Variants in AKR1C8 observed in about 807,000 individuals in gnomAD.
The protein encoded by AKR1C8 is aldo-keto reductase family 1 member C-like protein 1.
At chr10:5,174,172 C>T in the AKR1C8 span, among the ~76,000 whole-genome samples, 2 of 151,162 alleles carry the variant, frequency 1.3e-5, no homozygotes, top group East Asian at 2.0e-4. Context: ...AAAAAAACTC[C>T]ATCCTGAGAC....
the AKR1C8 span, among the ~76,000 whole-genome samples, chr10:5,142,985 T>C: frequency 6.6e-6 from 1 of 152,120 alleles, no homozygotes; most frequent in Non-Finnish European, 1.5e-5. Flanking sequence ...ACTGTGTTCA[T>C]AAATGGGTTA....
the AKR1C8 span, among the ~76,000 whole-genome samples, chr10:5,180,585 G>T: frequency 6.6e-6 from 1 of 152,220 alleles, no homozygotes; most frequent in Non-Finnish European, 1.5e-5. Context: ...CAGAGGTGGA[G>T]CCTAGAGAGG....
chr10:5,177,391 T>C, the AKR1C8 span, among the ~76,000 whole-genome samples: 16 of 152,290 alleles, frequency 1.1e-4, no homozygotes, highest in African/African-American at 3.8e-4. Context: ...CAGTATTTTA[T>C]TGAGGATTTT....
At chr10:5,178,474 G>A in the AKR1C8 span, among the ~76,000 whole-genome samples, 2 of 152,204 alleles carry the variant, frequency 1.3e-5, no homozygotes, top group Admixed American at 6.5e-5. Flanking sequence ...TGGGTGGAGA[G>A]TTCTGTAGAT....
chr10:5,122,199 TC>T, the AKR1C8 span: 1 of 331,020 alleles, frequency 3.0e-6, no homozygotes, highest in Non-Finnish European at 6.2e-6. Flanking sequence ...CATTCACCTT[TC>T]CCAGGACAGC....
chr10:5,116,310 G>T, the AKR1C8 span, among the ~76,000 whole-genome samples: 2 of 152,160 alleles, frequency 1.3e-5, no homozygotes, highest in African/African-American at 4.8e-5. Context: ...AATTGTCATT[G>T]TGTCTCCCGG....
chr10:5,156,940 A>G, the AKR1C8 span, among the ~76,000 whole-genome samples: 1 of 152,234 alleles, frequency 6.6e-6, no homozygotes, highest in Non-Finnish European at 1.5e-5. Context: ...AAAACAAAAT[A>G]AGTTGGAGAC....
chr10:5,174,186 T>C, the AKR1C8 span, among the ~76,000 whole-genome samples: 9 of 151,342 alleles, frequency 5.9e-5, no homozygotes, highest in African/African-American at 2.2e-4. Flanking sequence ...CTGAGACCAA[T>C]AATCCAATCA....
the AKR1C8 span, among the ~76,000 whole-genome samples, chr10:5,147,545 A>T: frequency 1.3e-5 from 2 of 152,132 alleles, no homozygotes; most frequent in Admixed American, 6.6e-5. Context: ...ACCAAAAAAA[A>T]AAATGGTGTG....
chr10:5,129,934 C>T, the AKR1C8 span, among the ~76,000 whole-genome samples: 2 of 151,840 alleles, frequency 1.3e-5, no homozygotes, highest in Non-Finnish European at 2.9e-5. Context: ...CAGTATCACC[C>T]TAATACCAAA....
chr10:5,141,556 T>A, the AKR1C8 span, among the ~76,000 whole-genome samples: 1 of 152,164 alleles, frequency 6.6e-6, no homozygotes, highest in Non-Finnish European at 1.5e-5. Flanking sequence ...AAATGTATTT[T>A]ATGAACAATA....
chr10:5,158,493 ATCTTTGAGCT>A, the AKR1C8 span: 1 of 388,562 alleles, frequency 2.6e-6, no homozygotes, highest in Non-Finnish European at 5.2e-6. Context: ...TTCGCTTTTA[ATCTTTGAGCT>A]TTTTTATAAT....
At chr10:5,151,463 A>G in the AKR1C8 span, among the ~76,000 whole-genome samples, 1 of 152,086 alleles carries the variant, frequency 6.6e-6, no homozygotes, top group Non-Finnish European at 1.5e-5. Context: ...CTTGGAGGTT[A>G]GAAGCAGGAT....
chr10:5,161,411 G>A, the AKR1C8 span, among the ~76,000 whole-genome samples: 1 of 152,202 alleles, frequency 6.6e-6, no homozygotes, highest in Non-Finnish European at 1.5e-5. Flanking sequence ...TGTGCCACAT[G>A]CACCATCCCA....
At chr10:5,154,489 TA>T in the AKR1C8 span, 3 of 270,314 alleles carry the variant, frequency 1.1e-5, no homozygotes, top group Admixed American at 4.5e-5. Flanking sequence ...TGGGTGACAT[TA>T]AAGAGTACCT....
chr10:5,179,357 C>G, the AKR1C8 span, among the ~76,000 whole-genome samples: 1 of 152,334 alleles, frequency 6.6e-6, no homozygotes, highest in East Asian at 1.9e-4. Flanking sequence ...CTGCGTTAGT[C>G]TGATGAGCTT....
the AKR1C8 span, among the ~76,000 whole-genome samples, chr10:5,142,047 T>G: frequency 6.6e-5 from 10 of 152,168 alleles, 1 homozygote; most frequent in Admixed American, 1.3e-4. Flanking sequence ...ATTAATGATC[T>G]TACATAAATC....
the AKR1C8 span, among the ~76,000 whole-genome samples, chr10:5,122,646 C>T: frequency 6.6e-6 from 1 of 152,128 alleles, no homozygotes; most frequent in Admixed American, 6.6e-5. Flanking sequence ...AAGGGTAGGA[C>T]TCTGAGCATA....
the AKR1C8 span, among the ~76,000 whole-genome samples, chr10:5,175,222 G>A: frequency 1.5e-4 from 23 of 150,262 alleles, no homozygotes; most frequent in East Asian, 2.0e-3. Flanking sequence ...GAGAATGTGC[G>A]ATGTTTGGTT....
Sources: allele counts gnomAD v4.1 joint callset (sites outside exome capture counted in the v4.1 genomes callset), GRCh38; gene constraint gnomAD v4.1.1; transcripts MANE v1.5; gene names NCBI Gene and HGNC (gene_info 2026-07-23, HGNC 2026-07-21).